PRKCA: variants seen among roughly 807,000 people sequenced by gnomAD.
PRKCA encodes the protein protein kinase C alpha type.
Under a neutral mutation model 87.0 loss-of-function variants are expected in PRKCA, and 27 were observed. The observed-to-expected ratio is 0.31, with a 90% CI of 0.23 to 0.43. The LOEUF (loss-of-function observed/expected upper bound fraction) is 0.43. Ranked by LOEUF, PRKCA falls within the 20% of genes least tolerant of loss-of-function variation. The pLI is 1.00. For missense variants in PRKCA, 518 were observed against 852.3 expected, an observed-to-expected ratio of 0.61 and a Z score of 4.88; for synonymous variants, 329 against 311.1, an observed-to-expected ratio of 1.06 and a Z score of -0.61.
At chr17:66,734,934 T>G (rs1008487947) in intron 9 of PRKCA, among the ~76,000 whole-genome samples, 2 of 152,234 alleles carry the variant, frequency 1.3e-5, no homozygotes, top group Non-Finnish European at 2.9e-5. Flanking sequence ...ACAGAAGGGA[T>G]GCTCAGAAAT....
intron 5 of PRKCA, among the ~76,000 whole-genome samples, chr17:66,675,823 C>T (rs377678404): frequency 6.6e-6 from 1 of 152,182 alleles, no homozygotes; most frequent in Non-Finnish European, 1.5e-5. Flanking sequence ...TAGCCCCTAG[C>T]GATGCCAGTT....
chr17:66,777,502 C>G (rs1182703153), intron 14 of PRKCA: 1 of 979,472 alleles, frequency 1.0e-6, no homozygotes, highest in Admixed American at 6.7e-5. Context: ...AGTTCGTACA[C>G]AGTCACCATC....
At chr17:66,720,214 A>T (rs1350759209) in intron 8 of PRKCA, among the ~76,000 whole-genome samples, 1 of 152,204 alleles carries the variant, frequency 6.6e-6, no homozygotes. Context: ...CTTTGAGCAG[A>T]GATAGAAGGG....
chr17:66,364,152 T>A (rs2143495675), intron 2 of PRKCA: 1 of 152,356 alleles, frequency 6.6e-6, no homozygotes, highest in Non-Finnish European at 1.5e-5. Context: ...AAGTTTGGCA[T>A]CAATATGGTG....
At chr17:66,398,215 A>G (rs984143046) in intron 2 of PRKCA, 1 of 152,212 alleles carries the variant, frequency 6.6e-6, no homozygotes, top group Admixed American at 6.5e-5. Flanking sequence ...AATATCTCTG[A>G]GACCTGGAAG....
intron 2 of PRKCA, among the ~76,000 whole-genome samples, chr17:66,488,213 A>G (rs1916070451): frequency 6.6e-6 from 1 of 152,198 alleles, no homozygotes; most frequent in Non-Finnish European, 1.5e-5. Context: ...TTCTGTGGAA[A>G]GTACAGAAAA....
Position 66,629,818 on chromosome 17 carries a change from A to G in PRKCA, c.289-11537A>G, listed in dbSNP as rs1330055083. ...GAGATTGGGAAGTTCCGTATCATGA[A>G]TATGAATGTGATAAAATTTCACGGA... On this transcript the variant is annotated intron_variant, in intron 3 of 16. Transcript: ENST00000413366. Among the ~76,000 whole-genome samples, 5 of 152,106 alleles carry G rather than the reference A, an allele frequency of 3.3e-5. No individual in the cohort carries two copies. The East Asian group carries it at 7.7e-4, about 23-fold the overall frequency.
In PRKCA at chr17:66,628,437, A is replaced by G. The variant is rs114581465; in HGVS notation, c.289-12918A>G. Reference sequence around the variant, plus strand: ...CACTGATTTATATTTAATGACATGGAAAAATGTTTAACATAAACTGTTAGA... The same window carrying G: ...CACTGATTTATATTTAATGACATGGGAAAATGTTTAACATAAACTGTTAGA... On this transcript the variant is annotated intron_variant, in intron 3 of 16. Transcript: ENST00000413366. Among the ~76,000 whole-genome samples the G allele has an allele frequency of 5.4e-3, 820 of 152,254 alleles. 9 individuals are homozygous for G. The highest frequency in any genetic ancestry group is 0.016 in the African/African-American group (680 of 41,540).
chr17:66,628,468 T>A (rs910090588), intron 3 of PRKCA, among the ~76,000 whole-genome samples: 48 of 152,144 alleles, frequency 3.2e-4, no homozygotes, highest in African/African-American at 1.1e-3. Context: ...TTAGATTTTT[T>A]AAAAAGCTAC....
At chr17:66,784,356 G>A (rs905727169) in intron 14 of PRKCA, among the ~76,000 whole-genome samples, 1 of 152,144 alleles carries the variant, frequency 6.6e-6, no homozygotes, top group Admixed American at 6.5e-5. Context: ...AGTGATTCTC[G>A]TGCCTCAGCC....
intron 2 of PRKCA, among the ~76,000 whole-genome samples, chr17:66,473,841 G>C (rs1915429427): frequency 6.6e-6 from 1 of 152,100 alleles, no homozygotes; most frequent in Admixed American, 6.6e-5. Context: ...GGCTGAGGCA[G>C]GAGAATCGCT....
chr17:66,476,471 G>A lies in PRKCA; in HGVS notation c.206-19730G>A, dbSNP rs548880354. ...GAGCCCCGAGAGAATGCCAGCCAAG[G>A]CCCTGTCTGGTCTAATCCTGCCAGA... On this transcript the variant is annotated intron_variant, in intron 2 of 16. Transcript: ENST00000413366. Among the ~76,000 whole-genome samples, 3 of 152,290 alleles carry A rather than the reference G, an allele frequency of 2.0e-5. No individual in the cohort carries two copies. The East Asian group carries it at 5.8e-4, about 29-fold the overall frequency.
intron 2 of PRKCA, among the ~76,000 whole-genome samples, chr17:66,334,249 A>AAAAAC (rs1301585789): frequency 1.3e-5 from 2 of 152,184 alleles, no homozygotes; most frequent in Non-Finnish European, 2.9e-5. Context: ...AACTAGGTCA[A>AAAAAC]AAAACAAAAC....
intron 3 of PRKCA, among the ~76,000 whole-genome samples, chr17:66,591,165 G>A (rs1008014987): frequency 1.3e-5 from 2 of 152,016 alleles, no homozygotes; most frequent in Non-Finnish European, 2.9e-5. Flanking sequence ...TGTTGTTGTT[G>A]TTTTAAAGAC....
chr17:66,372,084 C>T (rs982050886), intron 2 of PRKCA, among the ~76,000 whole-genome samples: 6 of 152,020 alleles, frequency 3.9e-5, no homozygotes, highest in African/African-American at 1.4e-4. Flanking sequence ...GAAGATAGTA[C>T]CTGCTGTATT....
intron 2 of PRKCA, among the ~76,000 whole-genome samples, chr17:66,462,570 A>G (rs1208304569): frequency 2.0e-5 from 3 of 152,220 alleles, no homozygotes; most frequent in African/African-American, 7.2e-5. Context: ...TTCTCAAAAT[A>G]GATAAAAGAC....
rs1316621528 is a variant in PRKCA, at chr17:66,810,326, G to A, written c.*6289G>A. 1 of 152,140 alleles carries A rather than the reference G, an allele frequency of 6.6e-6. No homozygotes were observed. Among genetic ancestry groups the A allele is most frequent in the Non-Finnish European group, 1.5e-5 (1 of 68,030 alleles). 9.4% of individuals were successfully genotyped at this position (152,140 alleles called of 1,614,324 possible). A position where few individuals can be genotyped will look rare whatever the true frequency, so the allele number is the denominator to read the frequency against. ...ATCATGAAGGCAGTTACTATTTTGA[G>A]TCTAAAGGTTTTCTAAAAATTAACC... On this transcript the variant is annotated 3_prime_UTR_variant, in exon 17 of 17. Transcript: ENST00000413366.
intron 14 of PRKCA, among the ~76,000 whole-genome samples, chr17:66,779,725 T>C (rs374396710): frequency 9.1e-4 from 139 of 152,312 alleles, no homozygotes; most frequent in Non-Finnish European, 1.5e-3. Context: ...AAATCACATA[T>C]TGTTAAAGTG....
chr17:66,721,934 C>T (rs1300034322), intron 8 of PRKCA, among the ~76,000 whole-genome samples: 1 of 152,166 alleles, frequency 6.6e-6, no homozygotes, highest in Non-Finnish European at 1.5e-5. Context: ...TTGAACACCT[C>T]TCACAATTAG....
Sources: gnomAD v4.1 joint callset for allele counts (sites outside exome capture counted in the v4.1 genomes callset) on GRCh38, gnomAD v4.1.1 for gene constraint, MANE v1.5 for transcripts, NCBI Gene and HGNC (gene_info 2026-07-23, HGNC 2026-07-21) for gene names.